Variants in VWC2 observed in about 807,000 individuals in gnomAD.
The protein encoded by VWC2 is von Willebrand factor C domain containing 2.
A neutral mutation model predicts 29.8 loss-of-function variants in VWC2; 14 were observed. That is an observed-to-expected ratio of 0.47 (90% confidence interval 0.31 to 0.74). The LOEUF is 0.74. Ranked by LOEUF, VWC2 falls within the 30% of genes least tolerant of loss-of-function variation. VWC2 has a pLI of 0.05. For missense variants in VWC2, 457 were observed against 459.8 expected (o/e 0.99, Z 0.05); for synonymous variants, 213 against 199.0 (o/e 1.07, Z -0.59).
chr7:49,896,037 G>A (rs1001143480), intron 3 of VWC2, among the ~76,000 whole-genome samples: 8 of 152,048 alleles, frequency 5.3e-5, no homozygotes, highest in Non-Finnish European at 7.4e-5. Context: ...TAAAGTAAAC[G>A]TTTAATGAAA....
chr7:49,845,859 G>A (rs1189135002), intron 3 of VWC2, among the ~76,000 whole-genome samples: 2 of 152,156 alleles, frequency 1.3e-5, no homozygotes, highest in Non-Finnish European at 2.9e-5. Flanking sequence ...AAGAGCGAGT[G>A]AGTTAGTGTG....
intron 3 of VWC2, among the ~76,000 whole-genome samples, chr7:49,830,550 G>T (rs936397609): frequency 6.6e-6 from 1 of 152,050 alleles, no homozygotes; most frequent in Non-Finnish European, 1.5e-5. Context: ...TTAAGTTCTA[G>T]GGTACATGTG....
At chr7:49,881,163 G>A (rs1279605778) in intron 3 of VWC2, among the ~76,000 whole-genome samples, 1 of 152,094 alleles carries the variant, frequency 6.6e-6, no homozygotes, top group Admixed American at 6.6e-5. Flanking sequence ...GAGCCTTCGG[G>A]GCTACTAGGC....
Position 49,775,480 on chromosome 7 carries a change from C to A in VWC2, c.45C>A (p.Ser15=). The change falls in exon 2 of 4, where the codon TCC becomes TCA. Residue 15 remains serine (S), a synonymous_variant. Transcript: ENST00000340652. ...TGGCAGTTGGCGCGCTCTCCAGTTC[C>A]CTCCTGGTCACCTGCTGCCTGATGG... The part of the protein sequence containing the change: ...TAMAVGALSS[S]LLVTCCLMVA... 6.5e-7 allele frequency: 1 copy of A among 1,548,236 alleles called. No homozygotes were observed. The highest frequency in any genetic ancestry group is 1.2e-5 in the South Asian group (1 of 82,882).
chr7:49,802,962 A>G (rs540158487), intron 3 of VWC2, 122 bp downstream of exon 3: 9 of 1,265,872 alleles, frequency 7.1e-6, no homozygotes, highest in African/African-American at 5.9e-5. Flanking sequence ...ATCAATACAC[A>G]TGCGTACACA....
intron 3 of VWC2, among the ~76,000 whole-genome samples, chr7:49,830,671 C>T (rs1789505060): frequency 6.6e-6 from 1 of 152,106 alleles, no homozygotes; most frequent in Non-Finnish European, 1.5e-5. Flanking sequence ...CTCCCCCACC[C>T]CCTCACCCCA....
chr7:49,841,325 TA>T (rs1234010373), intron 3 of VWC2, among the ~76,000 whole-genome samples: 11 of 138,776 alleles, frequency 7.9e-5, no homozygotes, highest in Non-Finnish European at 1.4e-4. Flanking sequence ...TTTTTTTTTT[TA>T]AAGTAAGAGA....
In VWC2 at chr7:49,793,547, G is replaced by C. The variant is rs188911760; in HGVS notation, c.697-9164G>C. ...GTGTTTTCAAAGACTGACATTGATAGAAGCAACATAATACCATATATATTC... is the reference window on the plus strand; with the variant it reads ...GTGTTTTCAAAGACTGACATTGATACAAGCAACATAATACCATATATATTC... On this transcript the variant is annotated intron_variant, in intron 2 of 3. Coordinates refer to ENST00000340652, the MANE Select transcript of VWC2 (RefSeq NM_198570.5). Among the ~76,000 whole-genome samples, 5 of 152,146 alleles carry C rather than the reference G, an allele frequency of 3.3e-5. No individual in the cohort carries two copies. In the East Asian group the frequency reaches 9.7e-4, roughly 29 times the overall value.
At chr7:49,774,805 G>C (rs1413020786) in intron 1 of VWC2, among the ~76,000 whole-genome samples, 1 of 152,316 alleles carries the variant, frequency 6.6e-6, no homozygotes, top group East Asian at 1.9e-4. Flanking sequence ...GAAATGAATC[G>C]TGGAGTCCTA....
intron 3 of VWC2, among the ~76,000 whole-genome samples, chr7:49,894,384 C>T (rs1270630173): frequency 1.3e-5 from 2 of 152,148 alleles, no homozygotes; most frequent in Non-Finnish European, 2.9e-5. Flanking sequence ...CCACCTGCCT[C>T]GGCCTCCCAA....
chr7:49,841,587 C>T (rs970445416), intron 3 of VWC2, among the ~76,000 whole-genome samples: 1 of 152,192 alleles, frequency 6.6e-6, no homozygotes, highest in African/African-American at 2.4e-5. Flanking sequence ...TCCTAAAATG[C>T]TTTGGACGTG....
intron 3 of VWC2, among the ~76,000 whole-genome samples, chr7:49,879,698 T>C (rs1182962798): frequency 1.3e-5 from 2 of 151,994 alleles, no homozygotes. Flanking sequence ...TCCTAGTACA[T>C]AGTAATTCTT....
chr7:49,836,410 C>G (rs538994753), intron 3 of VWC2, among the ~76,000 whole-genome samples: 13 of 148,818 alleles, frequency 8.7e-5, no homozygotes, highest in African/African-American at 3.2e-4. Flanking sequence ...GGGCAGATCA[C>G]TTGAGGTAGC....
intron 3 of VWC2, among the ~76,000 whole-genome samples, chr7:49,823,271 T>C (rs1160847362): frequency 2.6e-5 from 4 of 152,146 alleles, no homozygotes; most frequent in African/African-American, 9.7e-5. Context: ...GGCTGCCACT[T>C]GGGCTACACA....
intron 2 of VWC2, among the ~76,000 whole-genome samples, chr7:49,797,962 A>G (rs1340511113): frequency 6.6e-6 from 1 of 152,240 alleles, no homozygotes; most frequent in Admixed American, 6.5e-5. Context: ...TGCTAATAAG[A>G]AGTACTAATG....
intron 3 of VWC2, among the ~76,000 whole-genome samples, chr7:49,803,213 C>G (rs541540152): frequency 5.1e-4 from 78 of 152,286 alleles, no homozygotes; most frequent in Admixed American, 3.9e-4. Context: ...GTGAATGAAA[C>G]TTGGAACATA....
chr7:49,882,397 T>C (rs1177545940), intron 3 of VWC2, among the ~76,000 whole-genome samples: 1 of 152,190 alleles, frequency 6.6e-6, no homozygotes, highest in Admixed American at 6.5e-5. Context: ...CCACTGTCTT[T>C]ATTTTGTCTT....
chr7:49,800,739 C>A (rs933856402), intron 2 of VWC2, among the ~76,000 whole-genome samples: 1 of 151,474 alleles, frequency 6.6e-6, no homozygotes, highest in Admixed American at 6.6e-5. Context: ...TGTATATATC[C>A]CCCTTGAGAC....
rs774906013 is a variant in VWC2, at chr7:49,775,942, C to T, written c.507C>T (p.Phe169=). ...TCGTGTACGCGATCGGGGAGAAGTT[C>T]GCGCCGGGCCCCTCGGCCTGCCCGT... ...SGFVYAIGEK[F]APGPSACPCL... The change falls in exon 2 of 4, where the codon TTC becomes TTT. Residue 169 remains phenylalanine, a synonymous_variant. Coordinates refer to ENST00000340652, the MANE Select transcript of VWC2 (RefSeq NM_198570.5). The T allele has an allele frequency of 3.9e-6, 6 of 1,553,930 alleles. No individual in the cohort carries two copies. In the Middle Eastern group the frequency reaches 5.0e-4, roughly 129 times the overall value.
Sources: gnomAD v4.1 joint callset for allele counts (sites outside exome capture counted in the v4.1 genomes callset) on GRCh38, gnomAD v4.1.1 for gene constraint, MANE v1.5 for transcripts, NCBI Gene and HGNC (gene_info 2026-07-23, HGNC 2026-07-21) for gene names.